Variants in TSHZ2 observed in about 807,000 individuals in gnomAD.
TSHZ2 encodes teashirt homolog 2.
TSHZ2 carries 21 observed loss-of-function variants against 74.4 expected under a neutral mutation model. The ratio of observed to expected loss-of-function variants is 0.28; its 90% CI spans 0.20 to 0.41. The LOEUF (loss-of-function observed/expected upper bound fraction) is 0.41. TSHZ2 is among the 10% of genes least tolerant of loss of function. The pLI, the probability that TSHZ2 is intolerant of heterozygous loss-of-function variation, is 1.00. For missense variants in TSHZ2, 1,244 were observed against 1,293.5 expected, an observed-to-expected ratio of 0.96 and a Z score of 0.59; for synonymous variants, 540 against 515.3, an observed-to-expected ratio of 1.05 and a Z score of -0.65.
At chr20:53,191,071 G>A (rs1187556331) in intron 1 of TSHZ2, among the ~76,000 whole-genome samples, 2 of 152,148 alleles carry the variant, frequency 1.3e-5, no homozygotes, top group African/African-American at 2.4e-5. Context: ...TTCCCAAAAC[G>A]TCCTTGCTGT....
At chr20:53,347,075 C>T (rs1980466915) in intron 2 of TSHZ2, among the ~76,000 whole-genome samples, 1 of 152,204 alleles carries the variant, frequency 6.6e-6, no homozygotes, top group Admixed American at 6.5e-5. Context: ...AGCAGTCCCT[C>T]ACCCTACCTT....
At chr20:53,438,019 T>C (rs1984156756) in intron 2 of TSHZ2, among the ~76,000 whole-genome samples, 1 of 152,136 alleles carries the variant, frequency 6.6e-6, no homozygotes, top group African/African-American at 2.4e-5. Context: ...CAGTCTCGGG[T>C]ATCCCCTTAT....
chr20:53,253,427 G>C (rs1313134957), intron 1 of TSHZ2, 72 bp from the exon 2 acceptor site: 8 of 1,517,224 alleles, frequency 5.3e-6, no homozygotes, highest in Non-Finnish European at 4.4e-6. Context: ...GAAGCACTTA[G>C]TCTATGTGAG....
At chr20:53,100,003 T>C (rs1986171235) in intron 1 of TSHZ2, among the ~76,000 whole-genome samples, 2 of 152,162 alleles carry the variant, frequency 1.3e-5, no homozygotes, top group Non-Finnish European at 2.9e-5. Context: ...TTTTGCCAAG[T>C]GAATAAGCAA....
intron 1 of TSHZ2, among the ~76,000 whole-genome samples, chr20:53,219,616 C>G (rs1740911758): frequency 6.6e-6 from 1 of 152,166 alleles, no homozygotes; most frequent in South Asian, 2.1e-4. Flanking sequence ...GGGTCACAAA[C>G]TCCCTCAAGG....
intron 1 of TSHZ2, among the ~76,000 whole-genome samples, chr20:53,091,134 G>A (rs1985873928): frequency 6.6e-6 from 1 of 152,192 alleles, no homozygotes; most frequent in South Asian, 2.1e-4. Context: ...TGTGTAAAAT[G>A]AGGACCACAT....
Position 53,385,342 on chromosome 20 carries a change from A to G in TSHZ2, c.*9-101802A>G, listed in dbSNP as rs184809299. ...TCTCAGAATTGGAAAATAAAGGAAA[A>G]CTCAGAAGTGAGTACTGCACAGACA... On this transcript the variant is annotated intron_variant, in intron 2 of 2. Transcript: ENST00000371497. Among the ~76,000 whole-genome samples, 46 of 152,136 alleles carry G rather than the reference A, an allele frequency of 3.0e-4. No individual in the cohort carries two copies. The East Asian group carries it at 8.7e-3, about 29-fold the overall frequency.
chr20:53,039,781 AAC>A (rs61356112), intron 1 of TSHZ2, among the ~76,000 whole-genome samples: 33,967 of 149,144 alleles, frequency 0.23, 4,614 homozygotes, highest in Admixed American at 0.33. Context: ...CTCCATCTCA[AAC>A]ACACACACAC....
chr20:53,417,048 G>C (rs116409947), intron 2 of TSHZ2, among the ~76,000 whole-genome samples: 2 of 152,138 alleles, frequency 1.3e-5, no homozygotes, highest in African/African-American at 4.8e-5. Context: ...CCTGTGCATT[G>C]TAGAATGCTG....
intron 1 of TSHZ2, among the ~76,000 whole-genome samples, chr20:53,033,403 A>G (rs577167655): frequency 4.1e-4 from 63 of 152,208 alleles, no homozygotes; most frequent in Admixed American, 7.2e-4. Context: ...TATTTTGGGG[A>G]AAAGCGAACA....
At chr20:53,155,052 A>ATTTT (rs11475183) in intron 1 of TSHZ2, among the ~76,000 whole-genome samples, 6 of 118,090 alleles carry the variant, frequency 5.1e-5, no homozygotes, top group African/African-American at 6.6e-5. Flanking sequence ...TTGAATATGC[A>ATTTT]TTTTTTTTTT....
intron 1 of TSHZ2, among the ~76,000 whole-genome samples, chr20:53,005,177 T>C (rs891071907): frequency 6.6e-6 from 1 of 151,790 alleles, no homozygotes; most frequent in Admixed American, 6.6e-5. Flanking sequence ...TAGCCAGGTG[T>C]GGTGGTGCAC....
chr20:53,249,336 G>A (rs1423600048), intron 1 of TSHZ2, among the ~76,000 whole-genome samples: 1 of 152,184 alleles, frequency 6.6e-6, no homozygotes, highest in Admixed American at 6.5e-5. Flanking sequence ...AATAGTTTGT[G>A]GACATCACTC....
At chr20:53,161,130 C>CAAAAAAAAAAA (rs368626161) in intron 1 of TSHZ2, among the ~76,000 whole-genome samples, 1,605 of 67,882 alleles carry the variant, frequency 0.024, 256 homozygotes, top group East Asian at 0.15. Flanking sequence ...TTATTTTCAG[C>CAAAAAAAAAAA]AAAAAAAAAA....
intron 2 of TSHZ2, among the ~76,000 whole-genome samples, chr20:53,427,421 C>A (rs1983693500): frequency 6.6e-6 from 1 of 151,930 alleles, no homozygotes; most frequent in Non-Finnish European, 1.5e-5. Flanking sequence ...CAGATCCCCA[C>A]CCCCACCACC....
intron 1 of TSHZ2, among the ~76,000 whole-genome samples, chr20:53,104,290 C>T (rs895987810): frequency 1.3e-5 from 2 of 151,996 alleles, no homozygotes; most frequent in African/African-American, 2.4e-5. Context: ...CCACAGACAC[C>T]GGAAGACCTG....
At chr20:53,007,327 A>G (rs1172697855) in intron 1 of TSHZ2, among the ~76,000 whole-genome samples, 1 of 152,184 alleles carries the variant, frequency 6.6e-6, no homozygotes, top group Admixed American at 6.5e-5. Flanking sequence ...GAAAGATGGT[A>G]AGGAAGGAGG....
chr20:53,081,999 C>T (rs916323743), intron 1 of TSHZ2, among the ~76,000 whole-genome samples: 8 of 151,820 alleles, frequency 5.3e-5, no homozygotes, highest in Non-Finnish European at 2.9e-5. Context: ...TGAAAATAGC[C>T]CAGAGGAGAT....
At chr20:53,181,236 A>T (rs1166157541) in intron 1 of TSHZ2, among the ~76,000 whole-genome samples, 1 of 152,060 alleles carries the variant, frequency 6.6e-6, no homozygotes, top group Non-Finnish European at 1.5e-5. Flanking sequence ...GATATTGTTC[A>T]TGGGTGTGTT....
Sources: allele counts gnomAD v4.1 joint callset (sites outside exome capture counted in the v4.1 genomes callset), GRCh38; gene constraint gnomAD v4.1.1; transcripts MANE v1.5; gene names NCBI Gene and HGNC (gene_info 2026-07-23, HGNC 2026-07-21).